WDPCP: variants seen among roughly 807,000 people sequenced by gnomAD.
WDPCP encodes WD repeat containing planar cell polarity effector.
A neutral mutation model predicts 93.1 loss-of-function variants in WDPCP; 71 were observed. The observed-to-expected ratio is 0.76, with a 90% confidence interval of 0.63 to 0.93. The LOEUF is 0.93. WDPCP is among the 40% of genes least tolerant of loss of function. WDPCP has a pLI of 0.00. For synonymous variants in WDPCP, 315 were observed against 315.0 expected, an observed-to-expected ratio of 1.00 and a Z score of 0.00; for missense variants, 844 against 887.4, an observed-to-expected ratio of 0.95 and a Z score of 0.62.
chr2:63,681,001 C>T (rs906844694), intron 2 of WDPCP, among the ~76,000 whole-genome samples: 10 of 152,158 alleles, frequency 6.6e-5, no homozygotes, highest in Admixed American at 2.0e-4. Flanking sequence ...TCATCACCTG[C>T]TGACCAAAGA....
chr2:63,386,814 G>A (rs1172483362), intron 10 of WDPCP, among the ~76,000 whole-genome samples: 1 of 151,842 alleles, frequency 6.6e-6, no homozygotes, highest in African/African-American at 2.4e-5. Context: ...TTAAAAAACT[G>A]TGGCACAGAA....
chr2:63,295,880 CAAA>C (rs59418675), intron 13 of WDPCP, among the ~76,000 whole-genome samples: 5,798 of 115,088 alleles, frequency 0.05, 258 homozygotes, highest in African/African-American at 0.14. Flanking sequence ...GAAACTATTC[CAAA>C]AAAAAAAAAA....
chr2:63,375,628 A>G (rs974581855), intron 12 of WDPCP, among the ~76,000 whole-genome samples: 10 of 151,964 alleles, frequency 6.6e-5, no homozygotes, highest in African/African-American at 1.7e-4. Context: ...TATTTGTTAA[A>G]GACAAAAAAG....
At chr2:63,472,461 C>T (rs1276408626) in intron 6 of WDPCP, among the ~76,000 whole-genome samples, 5 of 151,844 alleles carry the variant, frequency 3.3e-5, no homozygotes, top group Non-Finnish European at 7.4e-5. Flanking sequence ...TATCATGTCC[C>T]TTTGTCATTC....
intron 13 of WDPCP, among the ~76,000 whole-genome samples, chr2:63,297,320 A>G (rs984937037): frequency 1.3e-5 from 2 of 152,206 alleles, no homozygotes; most frequent in East Asian, 1.9e-4. Flanking sequence ...TAAATATGGA[A>G]TAGATCCTCA....
At chr2:63,226,021 A>G (rs1207770735) in intron 14 of WDPCP, among the ~76,000 whole-genome samples, 2 of 151,904 alleles carry the variant, frequency 1.3e-5, no homozygotes, top group Non-Finnish European at 2.9e-5. Flanking sequence ...TACAATATGT[A>G]TATTCACTAT....
At chr2:63,188,089 AGTT>A (rs1674773758) in intron 14 of WDPCP, among the ~76,000 whole-genome samples, 1 of 152,016 alleles carries the variant, frequency 6.6e-6, no homozygotes, top group African/African-American at 2.4e-5. Context: ...GTACGTGATG[AGTT>A]GTTTTTCTCT....
chr2:63,204,854 G>A (rs1373366109), intron 14 of WDPCP, among the ~76,000 whole-genome samples: 1 of 152,032 alleles, frequency 6.6e-6, no homozygotes, highest in Non-Finnish European at 1.5e-5. Context: ...TTTTAAACTT[G>A]ATATGATCCC....
intron 17 of WDPCP, among the ~76,000 whole-genome samples, chr2:63,140,422 T>C (rs1247568685): frequency 1.3e-5 from 2 of 152,198 alleles, no homozygotes; most frequent in Non-Finnish European, 2.9e-5. Context: ...ATTTTCACAA[T>C]ATTGATTCTA....
chr2:63,745,142 C>T (rs906090423), intron 2 of WDPCP, among the ~76,000 whole-genome samples: 1 of 152,070 alleles, frequency 6.6e-6, no homozygotes, highest in African/African-American at 2.4e-5. Context: ...AAGTAATGTA[C>T]TCTACTTTGA....
At position 63,120,968 on chromosome 2, in the gene WDPCP, G is replaced by A. The variant is rs1258592845; in HGVS notation, c.*1038C>T. On this transcript the variant is annotated 3_prime_UTR_variant, in exon 18 of 18. Coordinates refer to ENST00000272321, the MANE Select transcript of WDPCP (RefSeq NM_015910.7). The stretch of plus-strand genomic sequence containing the variant: ...TATAGTTTCATGGATGCTGTTAGAA[G>A]ACATGAGACTCCTGAGTCAGAGACA... Among the ~76,000 whole-genome samples the A allele has an allele frequency of 6.6e-6, 1 of 152,118 alleles. No individual in the cohort carries two copies. The highest frequency in any genetic ancestry group is 2.4e-5 in the African/African-American group (1 of 41,406).
intron 3 of WDPCP, among the ~76,000 whole-genome samples, chr2:63,624,253 C>G (rs367578824): frequency 1.3e-5 from 2 of 151,994 alleles, no homozygotes; most frequent in South Asian, 2.1e-4. Flanking sequence ...AAATTGACAC[C>G]CTGACATCAC....
At chr2:63,458,794 A>T (rs1698810437) in intron 6 of WDPCP, among the ~76,000 whole-genome samples, 1 of 152,198 alleles carries the variant, frequency 6.6e-6, no homozygotes, top group African/African-American at 2.4e-5. Context: ...CAAAAAGAAC[A>T]AATCTGGAGG....
intron 2 of WDPCP, among the ~76,000 whole-genome samples, chr2:63,742,707 C>T (rs560974339): frequency 1.2e-4 from 18 of 148,494 alleles, no homozygotes; most frequent in South Asian, 6.7e-4. Flanking sequence ...GACATAAAAA[C>T]GTTGGTGGAT....
At chr2:63,295,880 C>CAAAAAAAAAAAAAAAAAAAAAAAAAAA in intron 13 of WDPCP, among the ~76,000 whole-genome samples, 1 of 115,254 alleles carries the variant, frequency 8.7e-6, no homozygotes, top group Non-Finnish European at 1.8e-5. Context: ...GAAACTATTC[C>CAAAAAAAAAAAAAAAAAAAAAAAAAAA]AAAAAAAAAA....
At chr2:63,264,609 G>A (rs1375536313) in intron 13 of WDPCP, among the ~76,000 whole-genome samples, 1 of 152,138 alleles carries the variant, frequency 6.6e-6, no homozygotes, top group Non-Finnish European at 1.5e-5. Flanking sequence ...TTGAAGGGGA[G>A]AGAGATTGCA....
chr2:63,471,416 T>C (rs754088733), intron 6 of WDPCP, among the ~76,000 whole-genome samples: 3 of 152,192 alleles, frequency 2.0e-5, no homozygotes, highest in Non-Finnish European at 4.4e-5. Context: ...GTGCTTCATA[T>C]GGCCAACTGC....
chr2:63,267,713 C>T (rs2699390), intron 13 of WDPCP, among the ~76,000 whole-genome samples: 123,063 of 152,106 alleles, frequency 0.81, 50,545 homozygotes, highest in East Asian at 0.96. Context: ...CCAACAGATA[C>T]ATGAAAAACA....
intron 10 of WDPCP, among the ~76,000 whole-genome samples, chr2:63,397,770 G>A (rs1178184467): frequency 3.3e-5 from 5 of 152,128 alleles, no homozygotes; most frequent in Non-Finnish European, 5.9e-5. Context: ...CTGAGACACC[G>A]CAGAAGATAC....
Sources: gnomAD v4.1 joint callset for allele counts (sites outside exome capture counted in the v4.1 genomes callset) on GRCh38, gnomAD v4.1.1 for gene constraint, MANE v1.5 for transcripts, NCBI Gene and HGNC (gene_info 2026-07-23, HGNC 2026-07-21) for gene names.